Variants in TG observed in about 807,000 individuals in gnomAD.
The protein encoded by TG is thyroid hormones.
A neutral mutation model predicts 324.7 loss-of-function variants in TG; 270 were observed. The observed-to-expected ratio is 0.83, with a 90% CI of 0.75 to 0.92. The LOEUF (loss-of-function observed/expected upper bound fraction) is 0.92. Among genes scored for constraint, TG ranks in the 40% least tolerant of loss-of-function variants. TG has a pLI of 0.00. For synonymous variants in TG, 1,401 were observed against 1,327.0 expected, an observed-to-expected ratio of 1.06 and a Z score of -1.21; for missense variants, 3,591 against 3,456.4, an observed-to-expected ratio of 1.04 and a Z score of -0.98.
intron 25 of TG, among the ~76,000 whole-genome samples, chr8:132,940,467 C>G (rs550737198): frequency 6.6e-6 from 1 of 152,322 alleles, no homozygotes; most frequent in African/African-American, 2.4e-5. Flanking sequence ...AACCGTGCCA[C>G]TTTTAGGTAG....
intron 41 of TG, among the ~76,000 whole-genome samples, chr8:133,067,095 A>G (rs1843141519): frequency 6.6e-6 from 1 of 152,280 alleles, no homozygotes. Flanking sequence ...CAGGAAAAAT[A>G]AGAGCTGGCA....
chr8:133,014,253 A>G (rs971145747), intron 37 of TG, among the ~76,000 whole-genome samples: 3 of 152,244 alleles, frequency 2.0e-5, no homozygotes, highest in Non-Finnish European at 2.9e-5. Flanking sequence ...CCACAAAGCC[A>G]TGCAGCCTAA....
intron 23 of TG, among the ~76,000 whole-genome samples, chr8:132,929,669 G>T (rs1266008265): frequency 6.6e-6 from 1 of 152,050 alleles, no homozygotes; most frequent in Non-Finnish European, 1.5e-5. Context: ...ACCAGCAAGG[G>T]GTCAGGGCTT....
At chr8:132,911,159 T>C (rs574555019) in intron 18 of TG, among the ~76,000 whole-genome samples, 2 of 152,338 alleles carry the variant, frequency 1.3e-5, no homozygotes, top group African/African-American at 4.8e-5. Context: ...CCACTTATAC[T>C]TCTGTACACC....
At chr8:132,978,181 C>A (rs1830404610) in intron 34 of TG, among the ~76,000 whole-genome samples, 1 of 152,312 alleles carries the variant, frequency 6.6e-6, no homozygotes, top group South Asian at 2.1e-4. Flanking sequence ...ACTCATGGCA[C>A]AAGGTGCAGG....
rs1174587471 is a variant in TG, at chr8:132,901,565, C to T, written c.3634+12C>T. 1.9e-6 allele frequency: 3 copies of T among 1,609,448 alleles called. No individual in the cohort carries two copies. Among genetic ancestry groups the T allele is most frequent in the Non-Finnish European group, 1.7e-6 (2 of 1,177,596 alleles). On this transcript the variant is annotated intron_variant, in intron 16 of 47. Coordinates refer to ENST00000220616, the MANE Select transcript of TG (RefSeq NM_003235.5). ...GCCCGCCTGTGAGAGTAAGTCATGA[C>T]CCCCTGGGGGGACGACGAGGCCTGC... is the stretch of plus-strand genomic sequence containing the variant.
At chr8:133,132,385 T>C (rs1432073059) in intron 46 of TG, among the ~76,000 whole-genome samples, 1 of 152,218 alleles carries the variant, frequency 6.6e-6, no homozygotes, top group South Asian at 2.1e-4. Flanking sequence ...GGAGAGCCAC[T>C]GTCTCTCCAC....
intron 41 of TG, among the ~76,000 whole-genome samples, chr8:133,082,769 C>T (rs1845949662): frequency 6.6e-6 from 1 of 152,216 alleles, no homozygotes; most frequent in Non-Finnish European, 1.5e-5. Context: ...ACTTTTATTA[C>T]AGTTTCCTCT....
chr8:132,927,837 A>G (rs1332589804), intron 22 of TG, among the ~76,000 whole-genome samples: 1 of 152,224 alleles, frequency 6.6e-6, no homozygotes, highest in Non-Finnish European at 1.5e-5. Context: ...TGATTATAAC[A>G]TGGCATTTGC....
At chr8:133,053,238 C>T (rs192988040) in intron 41 of TG, among the ~76,000 whole-genome samples, 7 of 152,284 alleles carry the variant, frequency 4.6e-5, no homozygotes, top group East Asian at 1.9e-4. Context: ...TCCTCTGAAG[C>T]GGTTACCCCA....
At chr8:132,913,352 T>C in intron 20 of TG, 87 bp downstream of exon 20, 1 of 1,366,906 alleles carries the variant, frequency 7.3e-7, no homozygotes, top group Admixed American at 1.8e-5. Context: ...GAGGCTACTC[T>C]GGACATCCAG....
At chr8:132,928,656 A>G (rs1822236928) in intron 22 of TG, among the ~76,000 whole-genome samples, 1 of 152,234 alleles carries the variant, frequency 6.6e-6, no homozygotes, top group Non-Finnish European at 1.5e-5. Context: ...ACATATGCAC[A>G]TGTCTTTTAA....
At chr8:133,040,238 G>C in intron 41 of TG, 5 of 1,244,014 alleles carry the variant, frequency 4.0e-6, no homozygotes, top group Non-Finnish European at 5.6e-6. Flanking sequence ...GCTGCCATGG[G>C]GAACTGGGCC....
At chr8:133,110,550 C>G (rs556924067) in intron 43 of TG, among the ~76,000 whole-genome samples, 2 of 152,084 alleles carry the variant, frequency 1.3e-5, no homozygotes, top group South Asian at 4.1e-4. Flanking sequence ...TCTAATAAAG[C>G]GGTTTGGGGC....
intron 43 of TG, among the ~76,000 whole-genome samples, chr8:133,108,598 CA>C: frequency 6.6e-6 from 1 of 152,336 alleles, no homozygotes; most frequent in East Asian, 1.9e-4. Context: ...CAAGTTCATA[CA>C]GCTAAGAAGT....
intron 41 of TG, among the ~76,000 whole-genome samples, chr8:133,062,524 C>G (rs1172470248): frequency 6.6e-6 from 1 of 152,268 alleles, no homozygotes; most frequent in Non-Finnish European, 1.5e-5. Context: ...ATCCCACCCA[C>G]GTAGTGGGAG....
At chr8:132,981,597 GC>G (rs1057189470) in intron 34 of TG, among the ~76,000 whole-genome samples, 1 of 152,198 alleles carries the variant, frequency 6.6e-6, no homozygotes, top group Non-Finnish European at 1.5e-5. Context: ...TATATTAGGA[GC>G]TCCCAGAACG....
At chr8:132,884,617 T>C (rs1188501409) in intron 8 of TG, among the ~76,000 whole-genome samples, 1 of 152,266 alleles carries the variant, frequency 6.6e-6, no homozygotes, top group African/African-American at 2.4e-5. Flanking sequence ...AGACACTTTC[T>C]TGAAGGTATT....
chr8:132,944,226 C>T (rs192541557), intron 26 of TG, among the ~76,000 whole-genome samples: 17 of 152,244 alleles, frequency 1.1e-4, no homozygotes, highest in Admixed American at 4.6e-4. Flanking sequence ...TGTTTGAGAT[C>T]GAGGTGTATT....
Sources: gnomAD v4.1 joint callset for allele counts (sites outside exome capture counted in the v4.1 genomes callset) on GRCh38, gnomAD v4.1.1 for gene constraint, MANE v1.5 for transcripts, NCBI Gene and HGNC (gene_info 2026-07-23, HGNC 2026-07-21) for gene names.